Variants in ARGLU1 observed in about 807,000 individuals in gnomAD.
The protein encoded by ARGLU1 is arginine and glutamate rich 1.
ARGLU1 carries 9 observed loss-of-function variants against 37.6 expected under a neutral mutation model. The observed-to-expected ratio is 0.24, with a 90% CI of 0.14 to 0.42. The LOEUF (loss-of-function observed/expected upper bound fraction) is 0.42. Ranked by LOEUF, ARGLU1 falls within the 10% of genes least tolerant of loss-of-function variation. ARGLU1 has a pLI of 1.00. For missense variants in ARGLU1, 211 were observed against 359.2 expected, an observed-to-expected ratio of 0.59 and a Z score of 3.34; for synonymous variants, 166 against 138.5, an observed-to-expected ratio of 1.20 and a Z score of -1.39.
intron 2 of ARGLU1, chr13:106,558,743 C>T: frequency 1.0e-6 from 1 of 985,286 alleles, no homozygotes; most frequent in Non-Finnish European, 1.2e-6. Context: ...ACAACCTGTT[C>T]CTTCATAACT....
rs1401578079 is a variant in ARGLU1, at chr13:106,543,281, C to G, written c.*715G>C. 6.6e-6 allele frequency: 1 copy of G among 152,174 alleles called. No individual in the cohort carries two copies. Among genetic ancestry groups the G allele is most frequent in the Non-Finnish European group, 1.5e-5 (1 of 67,892 alleles). The allele number at this position is 152,174 out of a possible 1,614,324, so 9.4% of individuals were successfully genotyped here. On this transcript the variant is annotated 3_prime_UTR_variant, in exon 4 of 4. Coordinates refer to ENST00000400198, the MANE Select transcript of ARGLU1 (RefSeq NM_018011.4). ...GGTTGACCATCAAAAAGTGAACCAC[C>G]CTCTTTAAGACTTAACATAACATTA...
chr13:106,549,444 G>A (rs1410711936), intron 3 of ARGLU1, among the ~76,000 whole-genome samples: 2 of 151,676 alleles, frequency 1.3e-5, no homozygotes, highest in Non-Finnish European at 1.5e-5. Flanking sequence ...GATAACCAAT[G>A]AATAAAAAAA....
chr13:106,542,428 A>G lies in ARGLU1; in HGVS notation c.*1568T>C, dbSNP rs893090378. 6.6e-6 allele frequency: 1 copy of G among 152,150 alleles called. No homozygotes were observed. The highest frequency in any genetic ancestry group is 1.5e-5 in the Non-Finnish European group (1 of 67,990). 9.4% of individuals were successfully genotyped at this position (152,150 alleles called of 1,614,324 possible). ...TTTAGAGTAAGTAGTATGTTTACTAAAAGTTCTCACTATATTTCATGCCTA... is the reference window on the plus strand; with the variant it reads ...TTTAGAGTAAGTAGTATGTTTACTAGAAGTTCTCACTATATTTCATGCCTA... On this transcript the variant is annotated 3_prime_UTR_variant, in exon 4 of 4. Coordinates refer to ENST00000400198, the MANE Select transcript of ARGLU1 (RefSeq NM_018011.4).
At chr13:106,556,979 A>G in intron 3 of ARGLU1, 69 bp downstream of exon 3, 1 of 1,385,504 alleles carries the variant, frequency 7.2e-7, no homozygotes. Context: ...ACAAAAATCA[A>G]TCCACAAAAT....
chr13:106,547,503 G>GAT (rs1880422506), intron 3 of ARGLU1, among the ~76,000 whole-genome samples: 1 of 151,890 alleles, frequency 6.6e-6, no homozygotes, highest in Non-Finnish European at 1.5e-5. Flanking sequence ...AATTACTGAA[G>GAT]ATATATAAAG....
rs1164817591 is a variant in ARGLU1, at chr13:106,542,088, AACTT to A, written c.*1904_*1907del. On this transcript the variant is annotated 3_prime_UTR_variant, in exon 4 of 4. Transcript: ENST00000400198. ...CAGATACTGCAGGATGTCATTAAGC[AACTT>A]ACTGTCACTTCACACCATATGTGGC... 1 of 152,128 alleles carries A rather than the reference AACTT, an allele frequency of 6.6e-6. No individual in the cohort carries two copies. The highest frequency in any genetic ancestry group is 2.4e-5 in the African/African-American group (1 of 41,424). 9.4% of individuals were successfully genotyped at this position (152,128 alleles called of 1,614,324 possible). A position where few individuals can be genotyped will look rare whatever the true frequency, so the allele number is the denominator to read the frequency against.
chr13:106,567,481 C>T lies in ARGLU1; in HGVS notation c.347+92G>A. 1.1e-6 allele frequency: 1 copy of T among 921,654 alleles called. No individual in the cohort carries two copies. Among genetic ancestry groups the T allele is most frequent in the Non-Finnish European group, 1.6e-6 (1 of 616,930 alleles). The allele number at this position is 921,654 out of a possible 1,614,324, so 57.1% of individuals were successfully genotyped here. A position where few individuals can be genotyped will look rare whatever the true frequency, so the allele number is the denominator to read the frequency against. Reference sequence around the variant, plus strand: ...CCAGCCCCGGACCGTCCCCGCCATTCTCCCGGCCCGCACCGTCCCGCCCCG... The same window carrying T: ...CCAGCCCCGGACCGTCCCCGCCATTTTCCCGGCCCGCACCGTCCCGCCCCG... On this transcript the variant is annotated intron_variant, in intron 1 of 3. Coordinates refer to ENST00000400198, the MANE Select transcript of ARGLU1 (RefSeq NM_018011.4). The surrounding 1 kb of genome is among the most constrained non-coding windows in gnomAD (Gnocchi z 4.3).
chr13:106,567,570 C>T lies in ARGLU1; in HGVS notation c.347+3G>A. On this transcript the variant is annotated splice_donor_region_variant and intron_variant, in intron 1 of 3. Transcript: ENST00000400198. This position sits in a 1 kb window ranked among gnomAD's most constrained non-coding sequence, Gnocchi z 4.3. ...CCCGGTCCCTCCCCGCGCGGGCACT[C>T]ACATTTTTCGCTGCCGCTCGAACTC... is the stretch of plus-strand genomic sequence containing the variant. The T allele has an allele frequency of 1.2e-6, 2 of 1,602,038 alleles. No homozygotes were observed. Among genetic ancestry groups the T allele is most frequent in the South Asian group, 2.2e-5 (2 of 90,866 alleles).
rs76683255 is a variant in ARGLU1 at position 106,564,307 on chromosome 13, C to A, written c.347+3266G>T. On this transcript the variant is annotated intron_variant, in intron 1 of 3. Transcript: ENST00000400198. ...TTGAGAGCTATTACATGCCAAGTATCACCTACTTTAAATACATCATCTCCA... is the reference window on the plus strand; with the variant it reads ...TTGAGAGCTATTACATGCCAAGTATAACCTACTTTAAATACATCATCTCCA... 6.9e-3 allele frequency among the ~76,000 whole-genome samples: 1,056 copies of A among 152,280 alleles called. 3 individuals are homozygous for A. Among genetic ancestry groups the A allele is most frequent in the African/African-American group, 0.012 (517 of 41,562 alleles).
chr13:106,563,428 T>C (rs1180674557), intron 1 of ARGLU1, among the ~76,000 whole-genome samples: 1 of 152,098 alleles, frequency 6.6e-6, no homozygotes, highest in Non-Finnish European at 1.5e-5. Flanking sequence ...GCAAGCACTA[T>C]ACTACCACCC....
rs1881014133 is a variant in ARGLU1, at chr13:106,567,676, T to C, written c.244A>G (p.Ile82Val). The C allele has an allele frequency of 1.3e-6, 2 of 1,580,442 alleles. No homozygotes were observed. Among genetic ancestry groups the C allele is most frequent in the Admixed American group, 3.4e-5 (2 of 58,700 alleles). The change falls in exon 1 of 4, where the codon ATC becomes GTC. Residue 82 changes from isoleucine to valine, a missense_variant. By Grantham distance (29) the Ile-to-Val change is conservative. Coordinates refer to ENST00000400198, the MANE Select transcript of ARGLU1 (RefSeq NM_018011.4). The surrounding 1 kb of genome is among the most constrained non-coding windows in gnomAD (Gnocchi z 4.3). ...CTCACCGTGCGCCCGAAGATGTCGA[T>C]GCGGTCGGGCGGGGACGAGGCGCGC... ...RERASSPPDRIDIFGRTVSKR... is the reference protein window; with the variant it reads ...RERASSPPDRVDIFGRTVSKR...
At position 106,565,782 on chromosome 13, in the gene ARGLU1, C is replaced by T. The variant is rs534978642; in HGVS notation, c.347+1791G>A. ...GGCTGCTAGTCCTGGTCCCTTCTCCCTCCTAAATACTATTGGCAGTTTGTG... is the reference window on the plus strand; with the variant it reads ...GGCTGCTAGTCCTGGTCCCTTCTCCTTCCTAAATACTATTGGCAGTTTGTG... On this transcript the variant is annotated intron_variant, in intron 1 of 3. Transcript: ENST00000400198. Among the ~76,000 whole-genome samples, 12 of 152,312 alleles carry T rather than the reference C, an allele frequency of 7.9e-5. No homozygotes were observed. In the South Asian group the frequency reaches 8.3e-4, roughly 11 times the overall value.
intron 3 of ARGLU1, among the ~76,000 whole-genome samples, chr13:106,545,830 C>T (rs764407216): frequency 2.0e-5 from 3 of 152,154 alleles, no homozygotes; most frequent in Non-Finnish European, 2.9e-5. Flanking sequence ...GGCAGGTGAG[C>T]ATGGTGGAAA....
chr13:106,565,869 C>G (rs1880948567), intron 1 of ARGLU1, among the ~76,000 whole-genome samples: 3 of 152,200 alleles, frequency 2.0e-5, no homozygotes. Flanking sequence ...TCCTGAATTT[C>G]TTGTCTGCTA....
rs11349875 is a variant in ARGLU1, at chr13:106,543,825, GAAA to G, written c.*168_*170del. On this transcript the variant is annotated 3_prime_UTR_variant, in exon 4 of 4. Coordinates refer to ENST00000400198, the MANE Select transcript of ARGLU1 (RefSeq NM_018011.4). The stretch of plus-strand genomic sequence containing the variant: ...TGATAAGGATTTGACTTAGTGGAAG[GAAA>G]AAAAAAAAAAAAAAGGGAATTGCAG... 9,297 of 400,816 alleles carry G rather than the reference GAAA, an allele frequency of 0.023. No individual in the cohort carries two copies. The highest frequency in any genetic ancestry group is 0.029 in the South Asian group (767 of 26,416). 24.8% of individuals were successfully genotyped at this position (400,816 alleles called of 1,614,324 possible). A position where few individuals can be genotyped will look rare whatever the true frequency, so the allele number is the denominator to read the frequency against.
rs144960887 is a variant in ARGLU1, at chr13:106,558,146, CA to C, written c.574-1016del. 7.8e-3 allele frequency: 7,670 copies of C among 984,314 alleles called. 429 individuals are homozygous for C. In the African/African-American group the frequency reaches 0.12, roughly 15 times the overall value. 61.0% of individuals were successfully genotyped at this position (984,314 alleles called of 1,614,324 possible). A position where few individuals can be genotyped will look rare whatever the true frequency, so the allele number is the denominator to read the frequency against. ...TAAAAAAAAAATTGTTAATATGAAACAAAAAAAGCAAATGAAGAGAAAAAAA... is the reference window on the plus strand; with the variant it reads ...TAAAAAAAAAATTGTTAATATGAAACAAAAAAGCAAATGAAGAGAAAAAAA... On this transcript the variant is annotated intron_variant, in intron 2 of 3. Coordinates refer to ENST00000400198, the MANE Select transcript of ARGLU1 (RefSeq NM_018011.4).
chr13:106,560,516 T>C (rs1189346487), intron 1 of ARGLU1, among the ~76,000 whole-genome samples: 2 of 152,228 alleles, frequency 1.3e-5, no homozygotes, highest in Non-Finnish European at 2.9e-5. Context: ...AACTGAAATT[T>C]AGTATGAAGA....
intron 1 of ARGLU1, chr13:106,561,764 G>A (rs555927163): frequency 4.6e-5 from 7 of 152,186 alleles, no homozygotes; most frequent in Non-Finnish European, 8.8e-5. Context: ...AAAGCGCAGT[G>A]GCTAACAGGG....
Position 106,542,296 on chromosome 13 carries a change from T to A in ARGLU1, c.*1700A>T, listed in dbSNP as rs1880282444. 6.6e-6 allele frequency: 1 copy of A among 151,366 alleles called. No individual in the cohort carries two copies. The highest frequency in any genetic ancestry group is 1.5e-5 in the Non-Finnish European group (1 of 67,788). 9.4% of individuals were successfully genotyped at this position (151,366 alleles called of 1,614,324 possible). On this transcript the variant is annotated 3_prime_UTR_variant, in exon 4 of 4. Coordinates refer to ENST00000400198, the MANE Select transcript of ARGLU1 (RefSeq NM_018011.4). ...AACCATGAATCTTCACCAAAAAAAGTTACATTGAAAAAAAAAAAAATTCAT... is the reference window on the plus strand; with the variant it reads ...AACCATGAATCTTCACCAAAAAAAGATACATTGAAAAAAAAAAAAATTCAT...
Sources: gnomAD v4.1 joint callset for allele counts (sites outside exome capture counted in the v4.1 genomes callset) on GRCh38, gnomAD v4.1.1 for gene constraint, Gnocchi (gnomAD v3.1) non-coding constraint, MANE v1.5 for transcripts, NCBI Gene and HGNC (gene_info 2026-07-23, HGNC 2026-07-21) for gene names.